SLCO6A1: variants seen among roughly 807,000 people sequenced by gnomAD.
The protein encoded by SLCO6A1 is solute carrier organic anion transporter family member 6A1.
Under a neutral mutation model 72.7 loss-of-function variants are expected in SLCO6A1, and 65 were observed. The ratio of observed to expected loss-of-function variants is 0.89; its 90% CI spans 0.73 to 1.10. The LOEUF (loss-of-function observed/expected upper bound fraction) is 1.10. SLCO6A1 is among the 50% of genes least tolerant of loss of function. The pLI is 0.00. For synonymous variants in SLCO6A1, 314 were observed against 298.2 expected (o/e 1.05, Z -0.55); for missense variants, 874 against 872.6 (o/e 1.00, Z -0.02).
chr5:102,427,657 G>T (rs1335470656), intron 7 of SLCO6A1, among the ~76,000 whole-genome samples: 1 of 151,372 alleles, frequency 6.6e-6, no homozygotes, highest in East Asian at 1.9e-4. Flanking sequence ...GAGATCCTGG[G>T]ACAGAAAAAG....
chr5:102,381,058 A>G (rs997034542), intron 12 of SLCO6A1, among the ~76,000 whole-genome samples: 11 of 151,972 alleles, frequency 7.2e-5, no homozygotes, highest in African/African-American at 2.2e-4. Flanking sequence ...TAATATATTT[A>G]TCACATTATT....
At chr5:102,454,006 C>A (rs906592374) in intron 6 of SLCO6A1, among the ~76,000 whole-genome samples, 3 of 152,122 alleles carry the variant, frequency 2.0e-5, no homozygotes, top group Non-Finnish European at 2.9e-5. Flanking sequence ...CTTTCAGATC[C>A]CCATGAATAT....
chr5:102,465,577 A>T (rs140162889), intron 4 of SLCO6A1, among the ~76,000 whole-genome samples: 214 of 152,194 alleles, frequency 1.4e-3, no homozygotes, highest in African/African-American at 4.7e-3. Flanking sequence ...TATGTCTAAA[A>T]CAGTTACCAT....
At chr5:102,456,917 G>T (rs1189308819) in intron 6 of SLCO6A1, among the ~76,000 whole-genome samples, 4 of 152,066 alleles carry the variant, frequency 2.6e-5, no homozygotes, top group Admixed American at 2.6e-4. Context: ...TAGACCAATG[G>T]AACAGAACAG....
At position 102,455,616 on chromosome 5, in the gene SLCO6A1, T is replaced by A. The variant is rs898316925; in HGVS notation, c.1131+2766A>T. 9.9e-5 allele frequency among the ~76,000 whole-genome samples: 15 copies of A among 152,144 alleles called. No homozygotes were observed. In the East Asian group the frequency reaches 2.5e-3, roughly 25 times the overall value. ...TTCTAGAGTTCTCTTCTGAGTTACT[T>A]AAACATAATAAAAAAGATAATATTG... On this transcript the variant is annotated intron_variant, in intron 6 of 13. Transcript: ENST00000506729.
At chr5:102,411,115 T>C (rs1390119327) in intron 9 of SLCO6A1, among the ~76,000 whole-genome samples, 1 of 152,074 alleles carries the variant, frequency 6.6e-6, no homozygotes, top group Non-Finnish European at 1.5e-5. Flanking sequence ...ACAAACTACA[T>C]AGGGGAAGGT....
At position 102,465,673 on chromosome 5, in the gene SLCO6A1, A is replaced by C. The variant is rs545028673; in HGVS notation, c.900-5896T>G. Among the ~76,000 whole-genome samples, 20 of 152,256 alleles carry C rather than the reference A, an allele frequency of 1.3e-4. No homozygotes were observed. In the South Asian group the frequency reaches 4.1e-3, roughly 32 times the overall value. On this transcript the variant is annotated intron_variant, in intron 4 of 13. Coordinates refer to ENST00000506729, the MANE Select transcript of SLCO6A1 (RefSeq NM_173488.5). ...TAGTTGCTACTGTCCCTGCATCATT[A>C]GTAGTGACAAGGTCTGAGTTTACCA...
chr5:102,461,368 C>T (rs1292753642), intron 4 of SLCO6A1, among the ~76,000 whole-genome samples: 1 of 151,922 alleles, frequency 6.6e-6, no homozygotes. Context: ...CCTAATGTGG[C>T]CCACAAATTC....
At chr5:102,482,271 A>G (rs1752233935) in intron 1 of SLCO6A1, among the ~76,000 whole-genome samples, 1 of 152,244 alleles carries the variant, frequency 6.6e-6, no homozygotes, top group South Asian at 2.1e-4. Context: ...ACCAGAACAT[A>G]TACATATATA....
At chr5:102,417,841 A>G (rs549272126) in intron 8 of SLCO6A1, among the ~76,000 whole-genome samples, 1 of 152,138 alleles carries the variant, frequency 6.6e-6, no homozygotes, top group South Asian at 2.1e-4. Flanking sequence ...AAAATACAAA[A>G]ATTAGCTGGG....
chr5:102,378,669 T>G, intron 12 of SLCO6A1, among the ~76,000 whole-genome samples: 1 of 152,216 alleles, frequency 6.6e-6, no homozygotes, highest in East Asian at 1.9e-4. Context: ...AATGTTTGTG[T>G]GATTCATCCA....
intron 7 of SLCO6A1, among the ~76,000 whole-genome samples, chr5:102,434,592 C>CAGAT (rs1561458315): frequency 6.6e-6 from 1 of 152,164 alleles, no homozygotes; most frequent in Non-Finnish European, 1.5e-5. Context: ...TGTTAGCTTA[C>CAGAT]AGATAGGATG....
chr5:102,476,301 A>AAAAT (rs1210036252), intron 3 of SLCO6A1, among the ~76,000 whole-genome samples: 1 of 152,214 alleles, frequency 6.6e-6, no homozygotes, highest in Non-Finnish European at 1.5e-5. Flanking sequence ...TGGCTCATAC[A>AAAAT]AAATACAATT....
chr5:102,403,133 G>A (rs1450493608), intron 9 of SLCO6A1, among the ~76,000 whole-genome samples: 1 of 152,122 alleles, frequency 6.6e-6, no homozygotes, highest in African/African-American at 2.4e-5. Flanking sequence ...TGCTGAGTGT[G>A]GAATATGATA....
At chr5:102,412,170 C>A (rs939913346) in intron 9 of SLCO6A1, among the ~76,000 whole-genome samples, 1 of 151,802 alleles carries the variant, frequency 6.6e-6, no homozygotes, top group Non-Finnish European at 1.5e-5. Flanking sequence ...ACCCTCCCCT[C>A]CCCTGTCTTC....
At chr5:102,451,121 C>T (rs1580450395) in intron 6 of SLCO6A1, among the ~76,000 whole-genome samples, 1 of 152,132 alleles carries the variant, frequency 6.6e-6, no homozygotes, top group Admixed American at 6.5e-5. Flanking sequence ...ACAATCTGGT[C>T]GCTTTTGTAT....
At chr5:102,464,585 T>C (rs370370528) in intron 4 of SLCO6A1, among the ~76,000 whole-genome samples, 1 of 152,244 alleles carries the variant, frequency 6.6e-6, no homozygotes, top group African/African-American at 2.4e-5. Flanking sequence ...ATCCTGGGTC[T>C]TGCAACAGAA....
At chr5:102,379,773 C>CAAA (rs10672287) in intron 12 of SLCO6A1, among the ~76,000 whole-genome samples, 6,770 of 140,924 alleles carry the variant, frequency 0.048, 154 homozygotes, top group African/African-American at 0.058. Flanking sequence ...TTGTCAATTT[C>CAAA]AAAAAAAAAA....
chr5:102,475,439 A>T (rs1260642387), intron 4 of SLCO6A1, among the ~76,000 whole-genome samples: 2 of 152,146 alleles, frequency 1.3e-5, no homozygotes, highest in African/African-American at 4.8e-5. Context: ...TTTTTGCAAG[A>T]TGCAAAAATT....
Sources: gnomAD v4.1 joint callset for allele counts (sites outside exome capture counted in the v4.1 genomes callset) on GRCh38, gnomAD v4.1.1 for gene constraint, MANE v1.5 for transcripts, NCBI Gene and HGNC (gene_info 2026-07-23, HGNC 2026-07-21) for gene names.